UTS2R: variants seen among roughly 807,000 people sequenced by gnomAD.
UTS2R encodes urotensin-2 receptor.
For synonymous variants in UTS2R, 335 were observed against 280.9 expected (o/e 1.19, Z -1.93); for missense variants, 653 against 562.2 (o/e 1.16, Z -1.63).
At position 82,375,708 on chromosome 17, in the gene UTS2R, G is replaced by A; in HGVS notation, c.*214G>A. On this transcript the variant is annotated 3_prime_UTR_variant, in exon 3 of 3. Transcript: ENST00000313135. ...CTCCAGGAGGCTCCAGCGCAGTCCC[G>A]GCTTCTGGAGACCATGGCTTCGTCA... 2.3e-6 allele frequency: 1 copy of A among 430,106 alleles called. No homozygotes were observed. The allele number at this position is 430,106 out of a possible 1,614,324, so 26.6% of individuals were successfully genotyped here.
chr17:82,375,887 C>G lies in UTS2R; in HGVS notation c.*393C>G, dbSNP rs34918751. Among the ~76,000 whole-genome samples, 4 of 152,266 alleles carry G rather than the reference C, an allele frequency of 2.6e-5. No individual in the cohort carries two copies. In the East Asian group the frequency reaches 7.7e-4, roughly 29 times the overall value. On this transcript the variant is annotated 3_prime_UTR_variant, in exon 3 of 3. Coordinates refer to ENST00000313135, the MANE Select transcript of UTS2R (RefSeq NM_018949.3). ...TGGCTTTGCCACTGGAACAATCAACCCTGAGCTGGCTTCCGTGTCCTGCCT... is the reference window on the plus strand; with the variant it reads ...TGGCTTTGCCACTGGAACAATCAACGCTGAGCTGGCTTCCGTGTCCTGCCT...
In UTS2R at chr17:82,375,059, C is replaced by T. The variant is rs756904848; in HGVS notation, c.735C>T (p.Ser245=). The stretch of plus-strand genomic sequence containing the variant: ...CCTACCGCCGCTCGCAGCGCGCCTC[C>T]TTCAAGCGGGCCCGGCGGCCGGGGG... ...ARAYRRSQRA[S]FKRARRPGAR... The change falls in exon 3 of 3, where the codon TCC becomes TCT. Residue 245 remains serine, a synonymous_variant. Transcript: ENST00000313135. 20 of 1,422,946 alleles carry T rather than the reference C, an allele frequency of 1.4e-5. No homozygotes were observed. Among genetic ancestry groups the T allele is most frequent in the Non-Finnish European group, 1.8e-5 (20 of 1,095,814 alleles). The allele number at this position is 1,422,946 out of a possible 1,614,324, so 88.1% of individuals were successfully genotyped here.
chr17:82,374,744 G>A lies in UTS2R; in HGVS notation c.420G>A (p.Thr140=), dbSNP rs758182586. The change falls in exon 3 of 3, where the codon ACG becomes ACA. Residue 140 remains threonine, a synonymous_variant. Transcript: ENST00000313135. ...DFLTMHASIF[T]LTVMSSERYA... ...TGACCATGCACGCCAGCATCTTCAC[G>A]CTGACCGTCATGAGCAGCGAGCGCT... is the stretch of plus-strand genomic sequence containing the variant. 5.0e-6 allele frequency: 8 copies of A among 1,611,386 alleles called. No individual in the cohort carries two copies. The Admixed American group carries it at 5.0e-5, about 10-fold the overall frequency.
chr17:82,374,406 C>A lies in UTS2R; in HGVS notation c.82C>A (p.Pro28Thr). The A allele has an allele frequency of 6.3e-7, 1 of 1,594,748 alleles. No homozygotes were observed. Reference sequence around the variant, plus strand: ...CTCTGTGCCGGAGCCGCCTGGCGGCCCCAACGCAACCCTCAACAGCTCCTG... The same window carrying A: ...CTCTGTGCCGGAGCCGCCTGGCGGCACCAACGCAACCCTCAACAGCTCCTG... ...GSSVPEPPGG[P>T]NATLNSSWAS... is the part of the protein sequence containing the mutation. Residue 28 changes from proline to threonine, a missense_variant, in exon 3 of 3, where the codon CCC becomes ACC. Coordinates refer to ENST00000313135, the MANE Select transcript of UTS2R (RefSeq NM_018949.3).
In UTS2R at chr17:82,375,092, G is replaced by C; in HGVS notation, c.768G>C (p.Ala256=). ...GGGCCCGGCGGCCGGGGGCGCGCGC[G>C]CTGCGCCTGGTGCTGGGCATCGTGC... ...FKRARRPGAR[A]LRLVLGIVLL... Residue 256 remains alanine (A), a synonymous_variant, in exon 3 of 3, where the codon GCG becomes GCC. Coordinates refer to ENST00000313135, the MANE Select transcript of UTS2R (RefSeq NM_018949.3). 2.8e-6 allele frequency: 4 copies of C among 1,413,916 alleles called. No individual in the cohort carries two copies. The highest frequency in any genetic ancestry group is 3.7e-6 in the Non-Finnish European group (4 of 1,090,752). 87.6% of individuals were successfully genotyped at this position (1,413,916 alleles called of 1,614,324 possible). A position where few individuals can be genotyped will look rare whatever the true frequency, so the allele number is the denominator to read the frequency against.
In UTS2R at chr17:82,374,834, G is replaced by T. The variant is rs991114871; in HGVS notation, c.510G>T (p.Ala170=). 6.8e-6 allele frequency: 10 copies of T among 1,472,790 alleles called. No homozygotes were observed. Among genetic ancestry groups the T allele is most frequent in the Non-Finnish European group, 9.3e-6 (10 of 1,078,544 alleles). The allele number at this position is 1,472,790 out of a possible 1,614,324, so 91.2% of individuals were successfully genotyped here. Residue 170 remains alanine, a synonymous_variant, in exon 3 of 3, where the codon GCG becomes GCT. Transcript: ENST00000313135. ...CCAAGGGCTACCGCAAGCTGCTGGC[G>T]CTGGGCACCTGGCTGCTGGCGCTGC... ...QRPKGYRKLL[A]LGTWLLALLL...
chr17:82,375,159 C>G lies in UTS2R; in HGVS notation c.835C>G (p.Leu279Val). The G allele has an allele frequency of 6.5e-7, 1 of 1,541,598 alleles. No homozygotes were observed. The highest frequency in any genetic ancestry group is 1.7e-4 in the Middle Eastern group (1 of 5,952). ...ACFLPFWLWQ[L>V]LAQYHQAPLA... ...CTTCCTGCCCTTCTGGCTGTGGCAG[C>G]TGCTCGCCCAGTACCACCAGGCCCC... Residue 279 changes from leucine to valine, a missense_variant, in exon 3 of 3, where the codon CTG (leucine) becomes GTG (valine). Physicochemically the swap from Leu to Val is conservative, Grantham distance 32. Transcript: ENST00000313135.
Position 82,374,263 on chromosome 17 carries a change from G to C in UTS2R, c.-62G>C, listed in dbSNP as rs1027310550. ...CACAGGCTGAGCTGGTTGCCCACAG[G>C]GGCCCCCGCCCCATCTCAGGGAGTG... On this transcript the variant is annotated 5_prime_UTR_variant, in exon 3 of 3. Coordinates refer to ENST00000313135, the MANE Select transcript of UTS2R (RefSeq NM_018949.3). The C allele has an allele frequency of 7.3e-7, 1 of 1,378,436 alleles. No homozygotes were observed. The highest frequency in any genetic ancestry group is 1.5e-5 in the African/African-American group (1 of 68,874). The allele number at this position is 1,378,436 out of a possible 1,614,324, so 85.4% of individuals were successfully genotyped here.
chr17:82,375,876 G>T lies in UTS2R; in HGVS notation c.*382G>T, dbSNP rs1396714994. The stretch of plus-strand genomic sequence containing the variant: ...TCCATCCCTTGTGGCTTTGCCACTG[G>T]AACAATCAACCCTGAGCTGGCTTCC... On this transcript the variant is annotated 3_prime_UTR_variant, in exon 3 of 3. Transcript: ENST00000313135. Among the ~76,000 whole-genome samples the T allele has an allele frequency of 6.6e-6, 1 of 152,254 alleles. No individual in the cohort carries two copies. Among genetic ancestry groups the T allele is most frequent in the African/African-American group, 2.4e-5 (1 of 41,474 alleles).
rs754138908 is a variant in UTS2R at position 82,375,458 on chromosome 17, C to T, written c.1134C>T (p.Ala378=). 1 of 1,514,966 alleles carries T rather than the reference C, an allele frequency of 6.6e-7. No homozygotes were observed. The highest frequency in any genetic ancestry group is 1.4e-5 in the African/African-American group (1 of 69,288). 93.8% of individuals were successfully genotyped at this position (1,514,966 alleles called of 1,614,324 possible). A position where few individuals can be genotyped will look rare whatever the true frequency, so the allele number is the denominator to read the frequency against. ...TCGTGCTGGCCCCAGCGGCCCCGGC[C>T]CGACCTGCGCCCGAGGGTCCCAGGG... ...DSLVLAPAAP[A]RPAPEGPRAP... The change falls in exon 3 of 3, where the codon GCC becomes GCT. Residue 378 remains alanine, a synonymous_variant. Coordinates refer to ENST00000313135, the MANE Select transcript of UTS2R (RefSeq NM_018949.3).
Position 82,374,904 on chromosome 17 carries a change from G to A in UTS2R, c.580G>A (p.Gly194Ser), listed in dbSNP as rs774850066. 6 of 1,197,768 alleles carry A rather than the reference G, an allele frequency of 5.0e-6. No homozygotes were observed. The allele number at this position is 1,197,768 out of a possible 1,614,324, so 74.2% of individuals were successfully genotyped here. Residue 194 changes from glycine to serine, a missense_variant, in exon 3 of 3, where the codon GGT becomes AGT. Physicochemically the swap from Gly to Ser is moderately conservative, Grantham distance 56. Coordinates refer to ENST00000313135, the MANE Select transcript of UTS2R (RefSeq NM_018949.3). The stretch of plus-strand genomic sequence containing the variant: ...GCTGGCCATGCGGCTGGTGCGCCGG[G>A]GTCCCAAGAGCCTGTGCCTGCCCGC... ...VMLAMRLVRR[G>S]PKSLCLPAWG... is the part of the protein sequence containing the mutation.
rs375833323 is a variant in UTS2R, at chr17:82,374,336, C to T, written c.12C>T (p.Thr4=). Residue 4 remains threonine (T), a synonymous_variant, in exon 3 of 3, where the codon ACC becomes ACT. Transcript: ENST00000313135. ...GTGAGGGGTCAGAGATGGCGCTGACCCCCGAGTCCCCGAGCAGCTTCCCTG... is the reference window on the plus strand; with the variant it reads ...GTGAGGGGTCAGAGATGGCGCTGACTCCCGAGTCCCCGAGCAGCTTCCCTG... MAL[T]PESPSSFPGL... 3.2e-6 allele frequency: 5 copies of T among 1,571,846 alleles called. No homozygotes were observed. The East Asian group carries it at 9.1e-5, about 29-fold the overall frequency.
In UTS2R at chr17:82,375,213, A is replaced by G. The variant is rs757589283; in HGVS notation, c.889A>G (p.Asn297Asp). The change falls in exon 3 of 3, where the codon AAC becomes GAC. Residue 297 changes from asparagine (N) to aspartate (D), a missense_variant. By Grantham distance (23) the Asn-to-Asp change is conservative. Coordinates refer to ENST00000313135, the MANE Select transcript of UTS2R (RefSeq NM_018949.3). ...PLAPRTARIV[N>D]YLTTCLTYGN... ...GGCGCCGCGGACGGCGCGCATCGTCAACTACCTGACCACCTGCCTCACCTA... is the reference window on the plus strand; with the variant it reads ...GGCGCCGCGGACGGCGCGCATCGTCGACTACCTGACCACCTGCCTCACCTA... 4.4e-6 allele frequency: 7 copies of G among 1,574,108 alleles called. No homozygotes were observed. The South Asian group carries it at 8.2e-5, about 18-fold the overall frequency.
At chr17:82,373,398 G>A (rs1341610814) in intron 2 of UTS2R, among the ~76,000 whole-genome samples, 1 of 152,106 alleles carries the variant, frequency 6.6e-6, no homozygotes, top group Admixed American at 6.6e-5. Flanking sequence ...CTGACCTCAG[G>A]TGATCCACTT....
At chr17:82,372,972 C>T (rs1445389706) in intron 2 of UTS2R, among the ~76,000 whole-genome samples, 189 bp downstream of exon 2, 1 of 152,214 alleles carries the variant, frequency 6.6e-6, no homozygotes, top group Non-Finnish European at 1.5e-5. Flanking sequence ...TCATCCTTGT[C>T]AGCACGCAGG....
Position 82,375,311 on chromosome 17 carries a change from C to T in UTS2R, c.987C>T (p.Arg329=). Residue 329 remains arginine (R), a synonymous_variant, in exon 3 of 3, where the codon CGC becomes CGT. Transcript: ENST00000313135. ...TRNYRDHLRG[R]VRGPGSGGGR... ...ACTACCGCGACCACCTGCGCGGCCG[C>T]GTGCGGGGCCCGGGCAGCGGGGGAG... The T allele has an allele frequency of 6.5e-7, 1 of 1,546,082 alleles. No individual in the cohort carries two copies. Among genetic ancestry groups the T allele is most frequent in the Non-Finnish European group, 8.7e-7 (1 of 1,146,524 alleles).
At position 82,375,362 on chromosome 17, in the gene UTS2R, G is replaced by A. The variant is rs910165305; in HGVS notation, c.1038G>A (p.Gln346=). 2 of 1,577,664 alleles carry A rather than the reference G, an allele frequency of 1.3e-6. No homozygotes were observed. Among genetic ancestry groups the A allele is most frequent in the Admixed American group, 1.8e-5 (1 of 56,702 alleles). Reference sequence around the variant, plus strand: ...GCCGGGGGCCCGTTCCCTCCCTGCAGCCCCGCGCCCGCTTCCAGCGCTGTT... The same window carrying A: ...GCCGGGGGCCCGTTCCCTCCCTGCAACCCCGCGCCCGCTTCCAGCGCTGTT... The part of the protein sequence containing the change: ...GGGRGPVPSL[Q]PRARFQRCSG... Residue 346 remains glutamine (Q), a synonymous_variant, in exon 3 of 3, where the codon CAG becomes CAA. Transcript: ENST00000313135.
rs966395818 is a variant in UTS2R, at chr17:82,375,022, G to C, written c.698G>C (p.Arg233Pro). The C allele has an allele frequency of 1.5e-6, 2 of 1,368,856 alleles. No individual in the cohort carries two copies. The highest frequency in any genetic ancestry group is 1.5e-5 in the African/African-American group (1 of 66,016). 84.8% of individuals were successfully genotyped at this position (1,368,856 alleles called of 1,614,324 possible). The stretch of plus-strand genomic sequence containing the variant: ...CTGCTCATCGGGCTGCTCTACGCGC[G>C]CCTGGCCCGCGCCTACCGCCGCTCG... Reference protein sequence around the residue: ...PGLLIGLLYARLARAYRRSQR... With the variant: ...PGLLIGLLYAPLARAYRRSQR... Residue 233 changes from arginine to proline, a missense_variant, in exon 3 of 3, where the codon CGC (arginine) becomes CCC (proline). Arg to Pro is a moderately radical substitution (Grantham distance 103). Coordinates refer to ENST00000313135, the MANE Select transcript of UTS2R (RefSeq NM_018949.3).
intron 2 of UTS2R, among the ~76,000 whole-genome samples, 195 bp downstream of exon 2, chr17:82,372,978 G>A (rs935383351): frequency 1.3e-5 from 2 of 152,196 alleles, no homozygotes; most frequent in Admixed American, 6.5e-5. Context: ...TTGTCAGCAC[G>A]CAGGGGCTCC....
Sources: allele counts gnomAD v4.1 joint callset (sites outside exome capture counted in the v4.1 genomes callset), GRCh38; gene constraint gnomAD v4.1.1; transcripts MANE v1.5; gene names NCBI Gene and HGNC (gene_info 2026-07-23, HGNC 2026-07-21).